Variants in CCDC85C observed in about 807,000 individuals in gnomAD.
CCDC85C encodes coiled-coil domain-containing protein 85C.
In CCDC85C, 18 loss-of-function variants were observed where a neutral mutation model predicts 38.3. The observed-to-expected ratio is 0.47, with a 90% CI of 0.33 to 0.70. The LOEUF is 0.70. Among genes scored for constraint, CCDC85C ranks in the 30% least tolerant of loss-of-function variants. CCDC85C has a pLI of 0.03. For missense variants in CCDC85C, 566 were observed against 621.2 expected (o/e 0.91, Z 0.94); for synonymous variants, 264 against 293.8 (o/e 0.90, Z 1.04).
chr14:99,532,784 T>TC (rs1412027389), intron 2 of CCDC85C, among the ~76,000 whole-genome samples: 113 of 137,024 alleles, frequency 8.2e-4, no homozygotes, highest in Non-Finnish European at 1.3e-3. Flanking sequence ...TTCTTCTTCT[T>TC]TTTTTTTTTT....
chr14:99,555,435 C>G (rs1897992631), intron 1 of CCDC85C, among the ~76,000 whole-genome samples: 1 of 152,206 alleles, frequency 6.6e-6, no homozygotes. Flanking sequence ...CCACAGCTGT[C>G]CTATGAGCAC....
In CCDC85C at chr14:99,587,247, G is replaced by A. The variant is rs182020755; in HGVS notation, c.793+15920C>T. On this transcript the variant is annotated intron_variant, in intron 1 of 5. Transcript: ENST00000380243. ...AGCCCCTGCCTCGGGAGAATCCCGG[G>A]TTCAGAGCAAGGATGAGTCACCATG... Among the ~76,000 whole-genome samples, 6 of 152,364 alleles carry A rather than the reference G, an allele frequency of 3.9e-5. No homozygotes were observed. The East Asian group carries it at 9.6e-4, about 24-fold the overall frequency.
At chr14:99,542,284 C>T (rs1193501232) in intron 1 of CCDC85C, among the ~76,000 whole-genome samples, 2 of 152,208 alleles carry the variant, frequency 1.3e-5, no homozygotes, top group Non-Finnish European at 2.9e-5. Flanking sequence ...TGCAAAGGTG[C>T]ACCAAGTAAC....
Position 99,603,158 on chromosome 14 carries a change from A to G in CCDC85C, c.793+9T>C. On this transcript the variant is annotated intron_variant, in intron 1 of 5. Transcript: ENST00000380243. This position sits in a 1 kb window ranked among gnomAD's most constrained non-coding sequence, Gnocchi z 7.5. ...GAGACCCGCGCTGCCCGGCCCGTGT[A>G]GTCCTTACCGTGCAGGCCGTTGGGG... is the stretch of plus-strand genomic sequence containing the variant. The G allele has an allele frequency of 7.3e-7, 1 of 1,360,978 alleles. No individual in the cohort carries two copies. The highest frequency in any genetic ancestry group is 9.4e-7 in the Non-Finnish European group (1 of 1,059,590). The allele number at this position is 1,360,978 out of a possible 1,614,324, so 84.3% of individuals were successfully genotyped here. A position where few individuals can be genotyped will look rare whatever the true frequency, so the allele number is the denominator to read the frequency against.
chr14:99,530,759 G>A (rs1317475877), intron 2 of CCDC85C, among the ~76,000 whole-genome samples: 2 of 152,232 alleles, frequency 1.3e-5, no homozygotes, highest in Non-Finnish European at 2.9e-5. Flanking sequence ...TCACCTCCCA[G>A]GTGAGGACAC....
rs189577425 is a variant in CCDC85C at position 99,503,272 on chromosome 14, A to C, written c.*11974T>G. On this transcript the variant is annotated 3_prime_UTR_variant, in exon 6 of 6. Transcript: ENST00000380243. ...GTCGGTGTCGTTGCCGTGTCCTAGC[A>C]GTGTCGTTGTGCATGCTGCTTCTGT... 1.6e-6 allele frequency: 1 copy of C among 629,324 alleles called. No individual in the cohort carries two copies. The highest frequency in any genetic ancestry group is 1.8e-5 in the African/African-American group (1 of 55,074). The allele number at this position is 629,324 out of a possible 1,614,324, so 39.0% of individuals were successfully genotyped here. A position where few individuals can be genotyped will look rare whatever the true frequency, so the allele number is the denominator to read the frequency against.
At chr14:99,547,778 A>G (rs1214218539) in intron 1 of CCDC85C, among the ~76,000 whole-genome samples, 4 of 146,812 alleles carry the variant, frequency 2.7e-5, no homozygotes, top group South Asian at 2.1e-4. Context: ...TGTCCCAAAG[A>G]AAAAAAAAAA....
Position 99,519,099 on chromosome 14 carries a change from C to CTTTTTTTTTTTTTTTTTTT in CCDC85C, c.976-1935_976-1917dup, listed in dbSNP as rs59524541. On this transcript the variant is annotated intron_variant, in intron 3 of 5. Transcript: ENST00000380243. ...TATCTTTTTACATGTTCATACATGC[C>CTTTTTTTTTTTTTTTTTTT]TTTTTTTTTTTTTTTTTTTTTTTTT... Among the ~76,000 whole-genome samples the CTTTTTTTTTTTTTTTTTTT allele has an allele frequency of 5.7e-5, 3 of 52,218 alleles. 1 individual carries two copies. The highest frequency in any genetic ancestry group is 2.5e-4 in the African/African-American group (3 of 12,114). 34.3% of individuals were successfully genotyped at this position (52,218 alleles called of 152,430 possible). A position where few individuals can be genotyped will look rare whatever the true frequency, so the allele number is the denominator to read the frequency against.
In CCDC85C at chr14:99,520,233, G is replaced by A. The variant is rs1182613002; in HGVS notation, c.975+1900C>T. ...AGGGCCTGTGTGCCAGGCAGTGTCT[G>A]AGCCCGGAGACGGCCCTCTCTGGAT... On this transcript the variant is annotated intron_variant, in intron 3 of 5. Coordinates refer to ENST00000380243, the MANE Select transcript of CCDC85C (RefSeq NM_001144995.2). This position sits in a 1 kb window ranked among gnomAD's most constrained non-coding sequence, Gnocchi z 4.1. 1.3e-5 allele frequency among the ~76,000 whole-genome samples: 2 copies of A among 152,156 alleles called. No homozygotes were observed. The highest frequency in any genetic ancestry group is 6.5e-5 in the Admixed American group (1 of 15,288).
rs2055046070 is a variant in CCDC85C at position 99,588,045 on chromosome 14, T to C, written c.793+15122A>G. Among the ~76,000 whole-genome samples the C allele has an allele frequency of 6.6e-6, 1 of 151,986 alleles. No homozygotes were observed. The highest frequency in any genetic ancestry group is 1.5e-5 in the Non-Finnish European group (1 of 68,004). On this transcript the variant is annotated intron_variant, in intron 1 of 5. Transcript: ENST00000380243. The surrounding 1 kb of genome is among the most constrained non-coding windows in gnomAD (Gnocchi z 5.0). ...CTGTGCCTGCCAGCCCTCACTTGAA[T>C]CCCCTTCCACACCCCCAGGCCTGCA...
chr14:99,560,477 C>T lies in CCDC85C; in HGVS notation c.794-24389G>A, dbSNP rs188825761. Among the ~76,000 whole-genome samples the T allele has an allele frequency of 3.1e-3, 472 of 152,350 alleles. 4 individuals are homozygous for T. Among genetic ancestry groups the T allele is most frequent in the African/African-American group, 0.011 (438 of 41,574 alleles). On this transcript the variant is annotated intron_variant, in intron 1 of 5. Coordinates refer to ENST00000380243, the MANE Select transcript of CCDC85C (RefSeq NM_001144995.2). ...GCAGGAGAGCCATGAGTACCACACA[C>T]AGAGACTCCAGGGCACCTGTATGCC...
At chr14:99,596,808 C>T (rs1290012935) in intron 1 of CCDC85C, among the ~76,000 whole-genome samples, 1 of 152,152 alleles carries the variant, frequency 6.6e-6, no homozygotes, top group Admixed American at 6.5e-5. Context: ...GTGGTCCCTG[C>T]CTAGATCCCA....
chr14:99,553,404 G>A (rs981495310), intron 1 of CCDC85C, among the ~76,000 whole-genome samples: 17 of 151,908 alleles, frequency 1.1e-4, no homozygotes, highest in Non-Finnish European at 2.1e-4. Flanking sequence ...CTGCTTTGTC[G>A]CCCAGGCTGG....
At position 99,520,026 on chromosome 14, in the gene CCDC85C, A is replaced by G. The variant is rs1595338089; in HGVS notation, c.975+2107T>C. On this transcript the variant is annotated intron_variant, in intron 3 of 5. Transcript: ENST00000380243. The surrounding 1 kb of genome is among the most constrained non-coding windows in gnomAD (Gnocchi z 4.1). ...CTTAGGAGGCTGATGGGTATAAACC[A>G]CCTCCCACCCTCCACTGGGCACCTG... 6.6e-6 allele frequency among the ~76,000 whole-genome samples: 1 copy of G among 151,984 alleles called. No homozygotes were observed. The highest frequency in any genetic ancestry group is 1.5e-5 in the Non-Finnish European group (1 of 67,970).
In CCDC85C at chr14:99,516,331, G is replaced by T; in HGVS notation, c.1072-45C>A. ...GGGTCAGGGGCAGAGGCCACCGGCA[G>T]ACCTCGGGCAAGTCACCTGGCCCCT... On this transcript the variant is annotated intron_variant, in intron 4 of 5. Transcript: ENST00000380243. The surrounding 1 kb of genome is among the most constrained non-coding windows in gnomAD (Gnocchi z 5.5). 7.0e-7 allele frequency: 1 copy of T among 1,433,584 alleles called. No homozygotes were observed. The highest frequency in any genetic ancestry group is 9.6e-7 in the Non-Finnish European group (1 of 1,042,074). 88.8% of individuals were successfully genotyped at this position (1,433,584 alleles called of 1,614,324 possible). A position where few individuals can be genotyped will look rare whatever the true frequency, so the allele number is the denominator to read the frequency against.
chr14:99,515,220 C>T lies in CCDC85C; in HGVS notation c.*26G>A. 1.3e-6 allele frequency: 2 copies of T among 1,531,954 alleles called. No homozygotes were observed. The highest frequency in any genetic ancestry group is 1.8e-6 in the Non-Finnish European group (2 of 1,131,462). 94.9% of individuals were successfully genotyped at this position (1,531,954 alleles called of 1,614,324 possible). ...TCCCCCTGGGGACCCCCAGCAGGGC[C>T]AGTCCACGTCCACAGAAGAGTGGCC... On this transcript the variant is annotated 3_prime_UTR_variant, in exon 6 of 6. Coordinates refer to ENST00000380243, the MANE Select transcript of CCDC85C (RefSeq NM_001144995.2).
rs1264043675 is a variant in CCDC85C, at chr14:99,514,344, A to T, written c.*902T>A. On this transcript the variant is annotated 3_prime_UTR_variant, in exon 6 of 6. Transcript: ENST00000380243. ...ACAGCTCTGTCCACAGGGACCCAAG[A>T]TGCAGCCAGGCCCTGGGGGAGGTCA... The T allele has an allele frequency of 1.3e-5, 2 of 152,442 alleles. No individual in the cohort carries two copies. Among genetic ancestry groups the T allele is most frequent in the Admixed American group, 6.5e-5 (1 of 15,288 alleles). 9.4% of individuals were successfully genotyped at this position (152,442 alleles called of 1,614,324 possible). A position where few individuals can be genotyped will look rare whatever the true frequency, so the allele number is the denominator to read the frequency against.
chr14:99,593,321 A>G (rs2055108619), intron 1 of CCDC85C, among the ~76,000 whole-genome samples: 1 of 152,224 alleles, frequency 6.6e-6, no homozygotes, highest in Admixed American at 6.5e-5. Flanking sequence ...TGGATGGTCT[A>G]TTTTTGGAAA....
intron 2 of CCDC85C, among the ~76,000 whole-genome samples, chr14:99,531,887 GC>G (rs1355450873): frequency 6.6e-6 from 1 of 152,200 alleles, no homozygotes; most frequent in African/African-American, 2.4e-5. Flanking sequence ...TAGTCACCCA[GC>G]CATCTCTTGA....
Sources: allele counts gnomAD v4.1 joint callset (sites outside exome capture counted in the v4.1 genomes callset), GRCh38; gene constraint gnomAD v4.1.1; non-coding constraint Gnocchi (gnomAD v3.1); transcripts MANE v1.5; gene names NCBI Gene and HGNC (gene_info 2026-07-23, HGNC 2026-07-21).